Variants in ANKS1B observed in about 807,000 individuals in gnomAD.
ANKS1B encodes the protein ankyrin repeat and sterile alpha motif domain containing 1B.
A neutral mutation model predicts 148.3 loss-of-function variants in ANKS1B; 36 were observed. That is an observed-to-expected ratio of 0.24 (90% CI 0.19 to 0.32). ANKS1B has a LOEUF of 0.32. Among genes scored for constraint, ANKS1B ranks in the 10% least tolerant of loss-of-function variants. ANKS1B has a pLI of 1.00. For missense variants in ANKS1B, 1,157 were observed against 1,542.6 expected, an observed-to-expected ratio of 0.75 and a Z score of 4.19; for synonymous variants, 542 against 560.8, an observed-to-expected ratio of 0.97 and a Z score of 0.47.
At chr12:99,957,969 G>T (rs1814343516) in intron 1 of ANKS1B, among the ~76,000 whole-genome samples, 1 of 152,194 alleles carries the variant, frequency 6.6e-6, no homozygotes, top group South Asian at 2.1e-4. Context: ...GGAACTCATT[G>T]TCTAGTGGGA....
rs1314121830 is a variant in ANKS1B at position 99,403,653 on chromosome 12, G to A, written c.1576-3842C>T. Among the ~76,000 whole-genome samples the A allele has an allele frequency of 4.1e-5, 6 of 144,770 alleles. No individual in the cohort carries two copies. In the East Asian group the frequency reaches 1.2e-3, roughly 28 times the overall value. The allele number at this position is 144,770 out of a possible 152,430, so 95.0% of individuals were successfully genotyped here. A position where few individuals can be genotyped will look rare whatever the true frequency, so the allele number is the denominator to read the frequency against. Reference sequence around the variant, plus strand: ...TCTTTAGTTTTACTAGATTTCATTTGTCAATTTTTTCTTTTATTCCAACTG... The same window carrying A: ...TCTTTAGTTTTACTAGATTTCATTTATCAATTTTTTCTTTTATTCCAACTG... On this transcript the variant is annotated intron_variant, in intron 11 of 26. Coordinates refer to ENST00000683438, the MANE Select transcript of ANKS1B (RefSeq NM_001352186.2).
At chr12:99,537,710 C>G (rs1297112010) in intron 9 of ANKS1B, among the ~76,000 whole-genome samples, 8 of 152,032 alleles carry the variant, frequency 5.3e-5, no homozygotes, top group Non-Finnish European at 1.0e-4. Flanking sequence ...TGTGGGTTGT[C>G]CTTTCACTTT....
intron 8 of ANKS1B, among the ~76,000 whole-genome samples, chr12:99,763,666 GA>G (rs1282593762): frequency 9.3e-4 from 127 of 137,058 alleles, no homozygotes; most frequent in East Asian, 4.8e-3. Context: ...ATAAAAGCTG[GA>G]AAAAAAAAAA....
intron 17 of ANKS1B, among the ~76,000 whole-genome samples, chr12:98,899,812 AT>A (rs1463028458): frequency 6.6e-6 from 1 of 152,230 alleles, no homozygotes; most frequent in Non-Finnish European, 1.5e-5. Flanking sequence ...ATATTAGTTA[AT>A]TTTTTAAATT....
chr12:99,303,187 C>A (rs1231407834), intron 12 of ANKS1B, among the ~76,000 whole-genome samples: 1 of 152,122 alleles, frequency 6.6e-6, no homozygotes, highest in East Asian at 1.9e-4. Context: ...ACATTTGTTA[C>A]ATGGGGAAGG....
chr12:99,321,863 G>A (rs140951220), intron 12 of ANKS1B, among the ~76,000 whole-genome samples: 319 of 152,302 alleles, frequency 2.1e-3, no homozygotes, highest in African/African-American at 7.1e-3. Context: ...AAGAATAGAT[G>A]CTGGTGAGGC....
intron 26 of ANKS1B, among the ~76,000 whole-genome samples, chr12:98,750,880 G>C (rs2098070364): frequency 6.6e-6 from 1 of 152,238 alleles, no homozygotes; most frequent in Admixed American, 6.5e-5. Flanking sequence ...CCATGGCGCA[G>C]GCCTTGCATA....
intron 14 of ANKS1B, among the ~76,000 whole-genome samples, chr12:99,225,872 G>A (rs932255462): frequency 6.6e-6 from 1 of 152,188 alleles, no homozygotes; most frequent in Non-Finnish European, 1.5e-5. Flanking sequence ...ACTTCACCTT[G>A]TGATCATGTG....
chr12:98,873,028 C>T (rs1369776350), intron 17 of ANKS1B, among the ~76,000 whole-genome samples: 2 of 152,208 alleles, frequency 1.3e-5, no homozygotes, highest in African/African-American at 2.4e-5. Context: ...TAAGACTATA[C>T]TTTCCTATGA....
intron 11 of ANKS1B, among the ~76,000 whole-genome samples, chr12:99,407,902 CTG>C (rs1380906825): frequency 6.9e-6 from 1 of 145,846 alleles, no homozygotes; most frequent in Non-Finnish European, 1.5e-5. Context: ...AGAATAAACA[CTG>C]TTAAAATATC....
chr12:99,405,831 T>A (rs2094518884), intron 11 of ANKS1B, among the ~76,000 whole-genome samples: 2 of 140,270 alleles, frequency 1.4e-5, no homozygotes, highest in South Asian at 2.1e-4. Context: ...AGACTGAAAA[T>A]AAGGGGATGG....
At chr12:98,735,175 G>A (rs933989834) in exon 10 of ANKS1B, 9 of 398,644 alleles carry the variant, frequency 2.3e-5, no homozygotes, top group African/African-American at 1.0e-4. Flanking sequence ...TCATGCAGTC[G>A]GTCAAGAGGA....
intron 14 of ANKS1B, among the ~76,000 whole-genome samples, chr12:99,216,780 CT>C: frequency 6.6e-6 from 1 of 152,288 alleles, no homozygotes; most frequent in East Asian, 1.9e-4. Flanking sequence ...AATTTTCATA[CT>C]AGAATTTTTG....
chr12:99,148,906 C>T (rs1360968651), intron 15 of ANKS1B, among the ~76,000 whole-genome samples: 1 of 151,984 alleles, frequency 6.6e-6, no homozygotes, highest in African/African-American at 2.4e-5. Context: ...AAAACTATAG[C>T]TGTACTTTCA....
intron 22 of ANKS1B, among the ~76,000 whole-genome samples, chr12:98,787,012 T>A (rs1185452700): frequency 6.6e-6 from 1 of 152,240 alleles, no homozygotes; most frequent in Non-Finnish European, 1.5e-5. Context: ...CTATTAATTT[T>A]GGCATATAAT....
At chr12:99,355,207 C>T (rs1202631489) in intron 12 of ANKS1B, among the ~76,000 whole-genome samples, 6 of 152,000 alleles carry the variant, frequency 3.9e-5, no homozygotes, top group Non-Finnish European at 2.9e-5. Flanking sequence ...AGCGGAATTG[C>T]TAAATCATGA....
chr12:98,972,723 A>C (rs1465777047), intron 17 of ANKS1B, among the ~76,000 whole-genome samples: 1 of 152,170 alleles, frequency 6.6e-6, no homozygotes, highest in Admixed American at 6.5e-5. Flanking sequence ...GGAAATCTGG[A>C]CTCACCAAGA....
intron 2 of ANKS1B, among the ~76,000 whole-genome samples, chr12:99,817,108 C>T (rs1405814735): frequency 6.6e-6 from 1 of 151,346 alleles, no homozygotes; most frequent in Non-Finnish European, 1.5e-5. Flanking sequence ...TACTATCAAA[C>T]ACTAGATCTT....
rs1038427847 is a variant in ANKS1B, at chr12:99,137,644, A to C, written c.2526+16645T>G. On this transcript the variant is annotated intron_variant, in intron 15 of 26. Transcript: ENST00000683438. ...GGTAAAAACCTCCTTGGTTTTATGT[A>C]TTTCCTCTTTTCATTTTTTTTAAAT... Among the ~76,000 whole-genome samples, 3 of 151,880 alleles carry C rather than the reference A, an allele frequency of 2.0e-5. No individual in the cohort carries two copies. In the East Asian group the frequency reaches 5.8e-4, roughly 29 times the overall value.
Sources: gnomAD v4.1 joint callset for allele counts (sites outside exome capture counted in the v4.1 genomes callset) on GRCh38, gnomAD v4.1.1 for gene constraint, MANE v1.5 for transcripts, NCBI Gene and HGNC (gene_info 2026-07-23, HGNC 2026-07-21) for gene names.